Variants in ATRNL1 observed in about 807,000 individuals in gnomAD.
The protein encoded by ATRNL1 is attractin like 1.
A neutral mutation model predicts 182.7 loss-of-function variants in ATRNL1; 95 were observed. The ratio of observed to expected loss-of-function variants is 0.52; its 90% confidence interval spans 0.44 to 0.62. ATRNL1 has a LOEUF of 0.62. ATRNL1 is among the 20% of genes least tolerant of loss of function. ATRNL1 has a pLI of 0.00. For synonymous variants in ATRNL1, 576 were observed against 568.3 expected, an observed-to-expected ratio of 1.01 and a Z score of -0.19; for missense variants, 1,471 against 1,679.5, an observed-to-expected ratio of 0.88 and a Z score of 2.17.
intron 20 of ATRNL1, among the ~76,000 whole-genome samples, chr10:115,417,025 G>A (rs561972930): frequency 8.1e-4 from 124 of 152,326 alleles, no homozygotes; most frequent in African/African-American, 2.7e-3. Flanking sequence ...TCAGGTAGGA[G>A]GGTGTGAAAG....
At chr10:115,601,455 G>A (rs1555015906) in intron 26 of ATRNL1, among the ~76,000 whole-genome samples, 1 of 152,132 alleles carries the variant, frequency 6.6e-6, no homozygotes. Context: ...ATTCTATAAT[G>A]TGACAAAGAG....
At chr10:115,453,808 G>A (rs1414695489) in intron 21 of ATRNL1, among the ~76,000 whole-genome samples, 4 of 133,258 alleles carry the variant, frequency 3.0e-5, no homozygotes, top group Non-Finnish European at 6.4e-5. Context: ...GGGGTTGGGG[G>A]AGGGGGGAGG....
chr10:115,169,455 C>G (rs1408146142), intron 7 of ATRNL1, among the ~76,000 whole-genome samples: 1 of 151,910 alleles, frequency 6.6e-6, no homozygotes, highest in Non-Finnish European at 1.5e-5. Flanking sequence ...GTGATCCACT[C>G]GCCTCGGACT....
At chr10:115,426,784 G>A (rs1242763528) in intron 21 of ATRNL1, among the ~76,000 whole-genome samples, 1 of 152,156 alleles carries the variant, frequency 6.6e-6, no homozygotes, top group African/African-American at 2.4e-5. Context: ...GAGTGCAACG[G>A]CACAATCTCA....
intron 26 of ATRNL1, among the ~76,000 whole-genome samples, chr10:115,674,551 T>C (rs781948195): frequency 6.6e-6 from 1 of 152,114 alleles, no homozygotes; most frequent in Non-Finnish European, 1.5e-5. Flanking sequence ...ATCCTGGGAA[T>C]AGAAAGATGA....
chr10:115,482,578 A>G (rs1269030576), intron 24 of ATRNL1, among the ~76,000 whole-genome samples: 1 of 151,076 alleles, frequency 6.6e-6, no homozygotes, highest in Admixed American at 6.6e-5. Flanking sequence ...TTATGTAGTA[A>G]TGAATTTCTT....
intron 14 of ATRNL1, 65 bp downstream of exon 14, chr10:115,281,552 A>T: frequency 6.7e-7 from 1 of 1,483,964 alleles, no homozygotes; most frequent in Non-Finnish European, 9.2e-7. Context: ...ATAGAAAAGT[A>T]CATTTAGTAA....
chr10:115,160,805 G>A (rs1427622397), intron 6 of ATRNL1, among the ~76,000 whole-genome samples: 1 of 151,822 alleles, frequency 6.6e-6, no homozygotes, highest in African/African-American at 2.4e-5. Context: ...CAATACAAAA[G>A]GAAATAGGGA....
rs578257306 is a variant in ATRNL1, at chr10:115,451,999, A to G, written c.3323-9942A>G. ...AGAGACTATTATCCTTAGCAAACCA[A>G]TGCAGGTACAGAAAACCAAATACTG... On this transcript the variant is annotated intron_variant, in intron 21 of 28. Transcript: ENST00000355044. Among the ~76,000 whole-genome samples the G allele has an allele frequency of 1.5e-4, 23 of 152,310 alleles. No individual in the cohort carries two copies. The South Asian group carries it at 1.7e-3, about 11-fold the overall frequency.
intron 26 of ATRNL1, among the ~76,000 whole-genome samples, chr10:115,726,769 A>C (rs1555060220): frequency 6.6e-6 from 1 of 152,138 alleles, no homozygotes; most frequent in African/African-American, 2.4e-5. Flanking sequence ...GACTTACAAA[A>C]CTTAGTCTTG....
intron 28 of ATRNL1, among the ~76,000 whole-genome samples, chr10:115,914,671 TA>T (rs782720602): frequency 1.1e-4 from 16 of 152,338 alleles, no homozygotes; most frequent in Non-Finnish European, 1.9e-4. Flanking sequence ...GGCTACATCA[TA>T]GTCATCACTG....
At chr10:115,354,650 T>G (rs1166862155) in intron 19 of ATRNL1, among the ~76,000 whole-genome samples, 1 of 152,170 alleles carries the variant, frequency 6.6e-6, no homozygotes, top group Non-Finnish European at 1.5e-5. Context: ...GTTTGATTAT[T>G]ATATGTCTTG....
At chr10:115,398,036 T>C (rs1279495237) in intron 20 of ATRNL1, among the ~76,000 whole-genome samples, 2 of 151,946 alleles carry the variant, frequency 1.3e-5, no homozygotes, top group Non-Finnish European at 2.9e-5. Context: ...AGGTATACAC[T>C]GTCAATAGTG....
At chr10:115,473,849 TTTGTTGGC>T (rs1848413160) in intron 24 of ATRNL1, among the ~76,000 whole-genome samples, 2 of 151,360 alleles carry the variant, frequency 1.3e-5, no homozygotes, top group African/African-American at 2.4e-5. Flanking sequence ...AGTTATTTAA[TTTGTTGGC>T]ATACAATTCC....
At chr10:115,573,723 G>T (rs1410466736) in intron 26 of ATRNL1, among the ~76,000 whole-genome samples, 1 of 152,112 alleles carries the variant, frequency 6.6e-6, no homozygotes, top group Non-Finnish European at 1.5e-5. Flanking sequence ...CCAGGTGAAG[G>T]CAGATGGTTA....
chr10:115,344,098 A>G (rs1259842145), intron 19 of ATRNL1, among the ~76,000 whole-genome samples: 12 of 152,158 alleles, frequency 7.9e-5, no homozygotes, highest in African/African-American at 2.9e-4. Context: ...ACAACATTGG[A>G]TCTTGCCTAC....
intron 28 of ATRNL1, among the ~76,000 whole-genome samples, chr10:115,894,246 C>T (rs1246798442): frequency 6.6e-6 from 1 of 152,188 alleles, no homozygotes; most frequent in East Asian, 1.9e-4. Flanking sequence ...AGTTTCTTTT[C>T]TTTATAGGAC....
intron 21 of ATRNL1, among the ~76,000 whole-genome samples, chr10:115,450,067 C>T (rs1158951868): frequency 6.6e-6 from 1 of 152,120 alleles, no homozygotes; most frequent in Non-Finnish European, 1.5e-5. Context: ...ATGATTATCT[C>T]AATAGGTGCA....
At chr10:115,728,528 A>G (rs1947687289) in intron 27 of ATRNL1, among the ~76,000 whole-genome samples, 1 of 152,086 alleles carries the variant, frequency 6.6e-6, no homozygotes, top group South Asian at 2.1e-4. Context: ...TGCCATTTTC[A>G]GATTTTACTT....
Sources: allele counts gnomAD v4.1 joint callset (sites outside exome capture counted in the v4.1 genomes callset), GRCh38; gene constraint gnomAD v4.1.1; transcripts MANE v1.5; gene names NCBI Gene and HGNC (gene_info 2026-07-23, HGNC 2026-07-21).